The following DMD variants were observed in gnomAD, a reference collection of about 807,000 sequenced individuals.
DMD encodes the protein mutant dystrophin.
Under a neutral mutation model 330.1 loss-of-function variants are expected in DMD, and 63 were observed. That is an observed-to-expected ratio of 0.19 (90% CI 0.16 to 0.24). The LOEUF is 0.24. Ranked by LOEUF, DMD falls within the 10% of genes least tolerant of loss-of-function variation. DMD has a pLI of 1.00. For missense variants in DMD, 3,344 were observed against 2,684.1 expected, an observed-to-expected ratio of 1.25 and a Z score of -5.43; for synonymous variants, 1,223 against 959.8, an observed-to-expected ratio of 1.27 and a Z score of -5.07.
At chrX:31,435,807 G>C (rs935432835) in intron 60 of DMD, among the ~76,000 whole-genome samples, 2 of 111,793 alleles carry the variant, frequency 1.8e-5, no homozygotes, top group African/African-American at 3.3e-5. Context: ...CAGCGGGGCA[G>C]TGGGAAAGGC....
At chrX:31,391,819 C>T (rs141127260) in intron 60 of DMD, among the ~76,000 whole-genome samples, 2,201 of 110,292 alleles carry the variant, frequency 0.02, 52 homozygotes, top group African/African-American at 0.067. Context: ...TGCAGTGAGC[C>T]GAGATCACGC....
chrX:32,475,977 C>A (rs1434453310), intron 21 of DMD, among the ~76,000 whole-genome samples: 2 of 110,680 alleles, frequency 1.8e-5, no homozygotes, highest in African/African-American at 6.6e-5. Flanking sequence ...TATTAATAAA[C>A]AAAATCCAAA....
chrX:31,757,422 C>T (rs1261251824), intron 51 of DMD, among the ~76,000 whole-genome samples: 1 of 112,094 alleles, frequency 8.9e-6, no homozygotes, highest in Non-Finnish European at 1.9e-5. Flanking sequence ...TGCTGGTAGA[C>T]AGCCTTCAGC....
At chrX:32,562,636 T>C (rs2051159305) in intron 16 of DMD, among the ~76,000 whole-genome samples, 1 of 112,784 alleles carries the variant, frequency 8.9e-6, no homozygotes, top group African/African-American at 3.2e-5. Context: ...ACAATCATTA[T>C]AGAAAATGTA....
At chrX:32,618,797 A>G (rs2057777400) in intron 11 of DMD, among the ~76,000 whole-genome samples, 1 of 111,628 alleles carries the variant, frequency 9.0e-6, no homozygotes, top group African/African-American at 3.3e-5. Context: ...AAAGGCATGT[A>G]TTACGTACCT....
chrX:31,523,962 C>A (rs1400295070), intron 55 of DMD, among the ~76,000 whole-genome samples: 1 of 111,601 alleles, frequency 9.0e-6, no homozygotes, highest in African/African-American at 3.3e-5. Flanking sequence ...TTTAAATGAC[C>A]CTGGAAAGGA....
chrX:32,434,634 T>G (rs1289760936), intron 29 of DMD, among the ~76,000 whole-genome samples: 1 of 111,795 alleles, frequency 8.9e-6, no homozygotes, highest in African/African-American at 3.2e-5. Flanking sequence ...CTTATTCTAC[T>G]GCATCGAAAC....
At chrX:32,681,117 C>T (rs1413598948) in intron 9 of DMD, among the ~76,000 whole-genome samples, 1 of 112,048 alleles carries the variant, frequency 8.9e-6, no homozygotes, top group African/African-American at 3.2e-5. Context: ...ATCTCTTAAG[C>T]ATAGGGTTAT....
chrX:31,665,241 A>T (rs2081362502), intron 53 of DMD, among the ~76,000 whole-genome samples: 1 of 112,157 alleles, frequency 8.9e-6, no homozygotes, highest in Admixed American at 9.5e-5. Flanking sequence ...AATCTTGATG[A>T]TTATAGCATG....
At chrX:31,985,740 A>T (rs2095504666) in intron 44 of DMD, among the ~76,000 whole-genome samples, 1 of 112,432 alleles carries the variant, frequency 8.9e-6, no homozygotes, top group South Asian at 3.7e-4. Flanking sequence ...CATACACGGA[A>T]TAAACACATA....
chrX:32,710,388 T>G (rs2065081496), intron 7 of DMD, among the ~76,000 whole-genome samples: 1 of 111,087 alleles, frequency 9.0e-6, no homozygotes, highest in Non-Finnish European at 1.9e-5. Context: ...TTTCCAAAAA[T>G]AAGACTTGAT....
chrX:32,772,248 C>T (rs1205405843), intron 7 of DMD, among the ~76,000 whole-genome samples: 1 of 112,812 alleles, frequency 8.9e-6, no homozygotes, highest in Non-Finnish European at 1.9e-5. Context: ...ACTATATGCA[C>T]TTACATCCCA....
intron 16 of DMD, among the ~76,000 whole-genome samples, chrX:32,550,120 G>A (rs912404272): frequency 2.3e-4 from 26 of 111,691 alleles, no homozygotes; most frequent in African/African-American, 8.1e-4. Flanking sequence ...ATTGCTCCTA[G>A]CTACAAACCT....
intron 1 of DMD, among the ~76,000 whole-genome samples, chrX:33,043,073 A>G (rs189986935): frequency 8.9e-6 from 1 of 112,275 alleles, no homozygotes; most frequent in East Asian, 2.8e-4. Context: ...TAGAAGCCAC[A>G]AAATGCAAAT....
At chrX:32,786,088 T>TGA (rs772854148) in intron 7 of DMD, among the ~76,000 whole-genome samples, 4 of 80,736 alleles carry the variant, frequency 5.0e-5, no homozygotes, top group Non-Finnish European at 7.7e-5. Flanking sequence ...GGAATAAGAG[T>TGA]GTGTGTGTGT....
intron 55 of DMD, among the ~76,000 whole-genome samples, chrX:31,540,302 C>A (rs1028144115): frequency 8.9e-6 from 1 of 111,830 alleles, no homozygotes; most frequent in Non-Finnish European, 1.9e-5. Flanking sequence ...ACTTGCTTTG[C>A]AAATCAGTTT....
intron 1 of DMD, among the ~76,000 whole-genome samples, chrX:33,185,029 G>A (rs544853773): frequency 3.9e-4 from 43 of 110,387 alleles, no homozygotes; most frequent in African/African-American, 1.2e-3. Context: ...GCCCAGCAAG[G>A]ATTTATTTTC....
At chrX:32,815,794 A>C (rs970179739) in intron 6 of DMD, among the ~76,000 whole-genome samples, 10 of 110,429 alleles carry the variant, frequency 9.1e-5, no homozygotes, top group Non-Finnish European at 1.9e-4. Flanking sequence ...TTTTATTAAA[A>C]TCCACAAAAG....
intron 45 of DMD, among the ~76,000 whole-genome samples, chrX:31,964,317 A>G (rs1166707211): frequency 9.0e-6 from 1 of 111,577 alleles, no homozygotes; most frequent in African/African-American, 3.3e-5. Context: ...TTAGACTAAG[A>G]AGGATGAAAA....
Sources: allele counts gnomAD v4.1 joint callset (sites outside exome capture counted in the v4.1 genomes callset), GRCh38; gene constraint gnomAD v4.1.1; transcripts MANE v1.5; gene names NCBI Gene and HGNC (gene_info 2026-07-23, HGNC 2026-07-21).